The following ANO10 variants were observed in gnomAD, a reference collection of about 807,000 sequenced individuals.
ANO10 encodes the protein anoctamin-10.
Under a neutral mutation model 74.7 loss-of-function variants are expected in ANO10, and 77 were observed. That is an observed-to-expected ratio of 1.03 (90% confidence interval 0.86 to 1.25). The LOEUF (loss-of-function observed/expected upper bound fraction) is 1.25. ANO10 is among the 50% of genes most tolerant of loss of function. The pLI is 0.00. For missense variants in ANO10, 721 were observed against 778.1 expected (o/e 0.93, Z 0.87); for synonymous variants, 279 against 284.9 (o/e 0.98, Z 0.21).
intron 1 of ANO10, chr3:43,691,232 C>T (rs919908457): frequency 1.3e-5 from 6 of 474,962 alleles, no homozygotes; most frequent in Non-Finnish European, 2.0e-5. Flanking sequence ...GGGAGAGGCT[C>T]CCCTCAGCGT....
chr3:43,508,351 G>A (rs1196133570), intron 11 of ANO10, among the ~76,000 whole-genome samples: 1 of 152,124 alleles, frequency 6.6e-6, no homozygotes, highest in African/African-American at 2.4e-5. Context: ...TTAGAAAATG[G>A]GCAAAAACTT....
chr3:43,461,453 T>C (rs1018665058), intron 11 of ANO10, among the ~76,000 whole-genome samples: 2 of 152,134 alleles, frequency 1.3e-5, no homozygotes, highest in Admixed American at 6.5e-5. Context: ...ATTGATATGG[T>C]TTGGCTGTGT....
chr3:43,663,018 G>C (rs1323327186), intron 1 of ANO10, among the ~76,000 whole-genome samples: 1 of 152,142 alleles, frequency 6.6e-6, no homozygotes, highest in East Asian at 1.9e-4. Flanking sequence ...TAGAAAAAGA[G>C]GGAATCCTCC....
chr3:43,438,379 G>T (rs2093106109), intron 11 of ANO10, among the ~76,000 whole-genome samples: 1 of 151,904 alleles, frequency 6.6e-6, no homozygotes. Flanking sequence ...AGGAATTTGA[G>T]GCTGGAGTGA....
At chr3:43,484,751 C>G (rs2076399182) in intron 11 of ANO10, among the ~76,000 whole-genome samples, 1 of 152,142 alleles carries the variant, frequency 6.6e-6, no homozygotes, top group Non-Finnish European at 1.5e-5. Context: ...GCCAAGAACA[C>G]AGTTTTTCAG....
In ANO10 at chr3:43,655,362, G is replaced by A. The variant is rs151338568; in HGVS notation, c.-12+36155C>T. ...TGGGTTCGTGGTCTCGCTGGCTCAGGAGTGAAGCTGCAGACCTTGGCGGTG... is the reference window on the plus strand; with the variant it reads ...TGGGTTCGTGGTCTCGCTGGCTCAGAAGTGAAGCTGCAGACCTTGGCGGTG... On this transcript the variant is annotated intron_variant, in intron 1 of 3. Coordinates refer to the ANO10 transcript ENST00000413397. Among the ~76,000 whole-genome samples the A allele has an allele frequency of 5.1e-4, 78 of 152,324 alleles. 1 individual carries two copies. In the East Asian group the frequency reaches 8.7e-3, roughly 17 times the overall value.
chr3:43,384,394 G>C (rs184108393), intron 12 of ANO10, among the ~76,000 whole-genome samples: 1 of 152,096 alleles, frequency 6.6e-6, no homozygotes, highest in African/African-American at 2.4e-5. Flanking sequence ...CATCAAAATA[G>C]TACCATCATT....
chr3:43,391,085 T>C (rs552761268), intron 12 of ANO10, among the ~76,000 whole-genome samples: 6 of 152,360 alleles, frequency 3.9e-5, no homozygotes, highest in East Asian at 1.9e-4. Context: ...CTCTGCAGCA[T>C]GTTTTCTGAA....
intron 4 of ANO10, among the ~76,000 whole-genome samples, chr3:43,595,963 C>A (rs1315831814): frequency 6.6e-6 from 1 of 152,074 alleles, no homozygotes; most frequent in Admixed American, 6.6e-5. Flanking sequence ...TCCTATACAG[C>A]AATAACAGAG....
chr3:43,623,212 T>G (rs1252549821), upstream of ANO10, among the ~76,000 whole-genome samples: 2 of 152,138 alleles, frequency 1.3e-5, no homozygotes, highest in African/African-American at 2.4e-5. Context: ...AGTCTGAAAA[T>G]AGGTGAGGCC....
chr3:43,427,879 C>T (rs1441368942), intron 12 of ANO10, among the ~76,000 whole-genome samples: 1 of 152,130 alleles, frequency 6.6e-6, no homozygotes, highest in Non-Finnish European at 1.5e-5. Flanking sequence ...ATAGGACCTC[C>T]TGGGCAGTGA....
intron 11 of ANO10, among the ~76,000 whole-genome samples, chr3:43,488,983 T>G (rs1223985660): frequency 4.6e-5 from 7 of 151,484 alleles, no homozygotes; most frequent in African/African-American, 1.7e-4. Context: ...TGGAATACTA[T>G]GCAGCCATAA....
chr3:43,437,150 C>T (rs996410990), intron 11 of ANO10, among the ~76,000 whole-genome samples: 7 of 152,192 alleles, frequency 4.6e-5, no homozygotes, highest in Admixed American at 4.6e-4. Context: ...GCAGACCAAG[C>T]ATGTACATCT....
chr3:43,469,934 T>C (rs2075784574), intron 11 of ANO10, among the ~76,000 whole-genome samples: 2 of 152,228 alleles, frequency 1.3e-5, no homozygotes, highest in Non-Finnish European at 1.5e-5. Context: ...TTCTTGGACA[T>C]ACTGTGGGTA....
intron 11 of ANO10, among the ~76,000 whole-genome samples, chr3:43,457,177 A>G (rs1415077660): frequency 6.6e-6 from 1 of 152,244 alleles, no homozygotes; most frequent in Non-Finnish European, 1.5e-5. Flanking sequence ...TGAACTTGAC[A>G]CTGTGGTTAA....
At chr3:43,648,264 A>T (rs2083747198) in intron 1 of ANO10, among the ~76,000 whole-genome samples, 1 of 152,184 alleles carries the variant, frequency 6.6e-6, no homozygotes, top group Non-Finnish European at 1.5e-5. Flanking sequence ...GAGGTGGAAA[A>T]TTTCATCTTC....
At chr3:43,517,672 C>T (rs566537070) in intron 11 of ANO10, among the ~76,000 whole-genome samples, 59 of 152,254 alleles carry the variant, frequency 3.9e-4, no homozygotes, top group Middle Eastern at 3.4e-3. Flanking sequence ...CTGTTGGCAC[C>T]TTGCTTGGAT....
At chr3:43,373,714 C>T (rs554569038) in intron 12 of ANO10, among the ~76,000 whole-genome samples, 28 of 152,322 alleles carry the variant, frequency 1.8e-4, no homozygotes, top group Non-Finnish European at 2.5e-4. Context: ...TCATTCTGAC[C>T]GCTTCTGGAA....
intron 11 of ANO10, among the ~76,000 whole-genome samples, chr3:43,496,981 C>A (rs181696055): frequency 6.6e-6 from 1 of 152,306 alleles, no homozygotes; most frequent in Admixed American, 6.5e-5. Flanking sequence ...TCATATACTG[C>A]ATCCTTAAAG....
Sources: allele counts gnomAD v4.1 joint callset (sites outside exome capture counted in the v4.1 genomes callset), GRCh38; gene constraint gnomAD v4.1.1; transcripts MANE v1.5; gene names NCBI Gene and HGNC (gene_info 2026-07-23, HGNC 2026-07-21).